The following SOCS5 variants were observed in gnomAD, a reference collection of about 807,000 sequenced individuals.
SOCS5 encodes the protein suppressor of cytokine signaling 5, also known as CIS-6.
A neutral mutation model predicts 42.8 loss-of-function variants in SOCS5; 32 were observed. The observed-to-expected ratio is 0.75, with a 90% CI of 0.56 to 1.01. The LOEUF is 1.01. Ranked by LOEUF, SOCS5 falls within the 50% of genes least tolerant of loss-of-function variation. SOCS5 has a pLI of 0.00. For missense variants in SOCS5, 627 were observed against 653.0 expected (o/e 0.96, Z 0.43); for synonymous variants, 283 against 229.6 (o/e 1.23, Z -2.10).
At chr2:46,724,975 C>G (rs1285212109) in intron 1 of SOCS5, among the ~76,000 whole-genome samples, 1 of 151,880 alleles carries the variant, frequency 6.6e-6, no homozygotes, top group African/African-American at 2.4e-5. Flanking sequence ...AAATCTCCAA[C>G]TGTCATTGTA....
chr2:46,707,774 C>T lies in SOCS5; in HGVS notation c.-13+8325C>T, dbSNP rs77374111. 5.9e-3 allele frequency among the ~76,000 whole-genome samples: 892 copies of T among 152,212 alleles called. 1 individual carries two copies. The highest frequency in any genetic ancestry group is 8.8e-3 in the Non-Finnish European group (601 of 67,996). The stretch of plus-strand genomic sequence containing the variant: ...TTACTGAGCAAATACAAATGCTCCT[C>T]GACTTACAATGGGGTTAGTCCTGAT... On this transcript the variant is annotated intron_variant, in intron 1 of 1. Coordinates refer to ENST00000394861, the MANE Select transcript of SOCS5 (RefSeq NM_144949.3).
intron 1 of SOCS5, among the ~76,000 whole-genome samples, chr2:46,723,050 A>G (rs1478546267): frequency 6.6e-6 from 1 of 152,020 alleles, no homozygotes; most frequent in Non-Finnish European, 1.5e-5. Context: ...CATATCCAGG[A>G]TACAGATCCT....
chr2:46,737,329 A>C (rs1178915121), intron 1 of SOCS5, among the ~76,000 whole-genome samples: 1 of 152,226 alleles, frequency 6.6e-6, no homozygotes. Context: ...TGACTGGACA[A>C]TGAGAAGAAA....
At position 46,759,450 on chromosome 2, in the gene SOCS5, T is replaced by C. The variant is rs1422591196; in HGVS notation, c.920T>C (p.Met307Thr). The C allele has an allele frequency of 6.2e-7, 1 of 1,613,980 alleles. No homozygotes were observed. Among genetic ancestry groups the C allele is most frequent in the South Asian group, 1.1e-5 (1 of 91,074 alleles). The change falls in exon 2 of 2, where the codon ATG becomes ACG. Residue 307 changes from methionine to threonine, a missense_variant. Met to Thr is a moderately conservative substitution (Grantham distance 81). Around this residue, in one of 3 missense-constraint regions of SOCS5, gnomAD observed 340 missense variants for 367.6 expected, o/e 0.92. Coordinates refer to ENST00000394861, the MANE Select transcript of SOCS5 (RefSeq NM_144949.3). Reference sequence around the variant, plus strand: ...CTGGGACCAAAATTAGCTCCTGGAATGACTGAAATAAGTGGGGACAGTTCT... The same window carrying C: ...CTGGGACCAAAATTAGCTCCTGGAACGACTGAAATAAGTGGGGACAGTTCT... ...YKLGPKLAPG[M>T]TEISGDSSAI... is the part of the protein sequence containing the mutation.
intron 1 of SOCS5, among the ~76,000 whole-genome samples, chr2:46,700,765 A>G (rs1672324671): frequency 6.6e-6 from 1 of 152,174 alleles, no homozygotes. Flanking sequence ...GGGTTTAGGC[A>G]GTGGTGGTCT....
chr2:46,715,906 T>C (rs1672728023), intron 1 of SOCS5, among the ~76,000 whole-genome samples: 1 of 152,194 alleles, frequency 6.6e-6, no homozygotes, highest in Non-Finnish European at 1.5e-5. Context: ...CTACAGACTC[T>C]AATCCCACAT....
chr2:46,700,506 ATTCT>A (rs1283982561), intron 1 of SOCS5, among the ~76,000 whole-genome samples: 1 of 152,228 alleles, frequency 6.6e-6, no homozygotes, highest in Non-Finnish European at 1.5e-5. Context: ...AGTAATTCAC[ATTCT>A]TTCTTTTCCT....
chr2:46,699,140 C>T (rs1244537815), upstream of SOCS5: 2 of 154,102 alleles, frequency 1.3e-5, no homozygotes, highest in East Asian at 1.9e-4. The surrounding 1 kb of genome is among the most constrained non-coding windows in gnomAD (Gnocchi z 4.8). Context: ...AGGCGTGCCC[C>T]TGCCCGCCCC....
intron 1 of SOCS5, among the ~76,000 whole-genome samples, chr2:46,757,081 G>T (rs1673747763): frequency 6.6e-6 from 1 of 152,122 alleles, no homozygotes; most frequent in African/African-American, 2.4e-5. Flanking sequence ...TAATATCATG[G>T]ACATTAATTT....
intron 1 of SOCS5, among the ~76,000 whole-genome samples, chr2:46,747,322 G>A (rs1287256628): frequency 6.6e-6 from 1 of 152,064 alleles, no homozygotes; most frequent in Non-Finnish European, 1.5e-5. Context: ...CTGGGCTCAA[G>A]TGATCCTCCC....
intron 1 of SOCS5, among the ~76,000 whole-genome samples, chr2:46,744,148 CCTGG>C: frequency 6.6e-6 from 1 of 152,174 alleles, no homozygotes; most frequent in South Asian, 2.1e-4. Flanking sequence ...TACCACCACA[CCTGG>C]CTAATTTTTG....
At chr2:46,714,115 T>C (rs539764418) in intron 1 of SOCS5, among the ~76,000 whole-genome samples, 1 of 152,316 alleles carries the variant, frequency 6.6e-6, no homozygotes, top group South Asian at 2.1e-4. Flanking sequence ...AAAGAATGGT[T>C]ATTTTCCTGT....
intron 1 of SOCS5, among the ~76,000 whole-genome samples, chr2:46,726,326 A>G (rs1813505): frequency 0.74 from 112,623 of 151,932 alleles, 42,277 homozygotes; most frequent in African/African-American, 0.84. Context: ...TAAAACTCCT[A>G]ACCTTGTGAT....
chr2:46,759,888 C>T lies in SOCS5; in HGVS notation c.1358C>T (p.Thr453Met), dbSNP rs746760173. The T allele has an allele frequency of 9.9e-6, 16 of 1,613,998 alleles. No homozygotes were observed. The highest frequency in any genetic ancestry group is 1.7e-5 in the Admixed American group (1 of 60,000). The change falls in exon 2 of 2, where the codon ACG (threonine) becomes ATG (methionine). Residue 453 changes from threonine to methionine, a missense_variant. By Grantham distance (81) the Thr-to-Met change is moderately conservative. This residue lies in a region of SOCS5 where 340 missense variants were observed against 367.6 expected (regional missense o/e 0.92). Transcript: ENST00000394861. ...TGTGTATTTCACTCCTCCACTGTAA[C>T]GGGACTTTTAGAACATTATAAAGAT... Reference protein sequence around the residue: ...DPCVFHSSTVTGLLEHYKDPS... With the variant: ...DPCVFHSSTVMGLLEHYKDPS...
chr2:46,711,731 GC>G, intron 1 of SOCS5, among the ~76,000 whole-genome samples: 1 of 152,296 alleles, frequency 6.6e-6, no homozygotes, highest in Admixed American at 6.5e-5. Context: ...TCTTCCAGAT[GC>G]TTTATGGTGA....
chr2:46,743,313 A>T lies in SOCS5; in HGVS notation c.-12-15206A>T, dbSNP rs1432410963. On this transcript the variant is annotated intron_variant, in intron 1 of 1. Coordinates refer to ENST00000394861, the MANE Select transcript of SOCS5 (RefSeq NM_144949.3). ...AGGAATAAAAGAATGGCTCTTCCAT[A>T]GAGCGGCCCCGTGGGCTGCTGGTTG... Among the ~76,000 whole-genome samples the T allele has an allele frequency of 2.0e-5, 3 of 152,324 alleles. No individual in the cohort carries two copies. In the East Asian group the frequency reaches 5.8e-4, roughly 29 times the overall value.
intron 1 of SOCS5, among the ~76,000 whole-genome samples, chr2:46,746,808 A>T (rs1673509383): frequency 6.6e-6 from 1 of 151,016 alleles, no homozygotes. Context: ...TGCTAAACTC[A>T]CTTAGTTTAC....
At chr2:46,731,023 G>A (rs1673106847) in intron 1 of SOCS5, among the ~76,000 whole-genome samples, 1 of 152,090 alleles carries the variant, frequency 6.6e-6, no homozygotes. Context: ...TTTTATATTC[G>A]ATTTTAAGTC....
intron 1 of SOCS5, among the ~76,000 whole-genome samples, chr2:46,741,330 C>T (rs1319686046): frequency 6.6e-6 from 1 of 152,106 alleles, no homozygotes; most frequent in Admixed American, 6.5e-5. Context: ...ACCTCCACCT[C>T]CCAGGTTCAA....
Sources: allele counts gnomAD v4.1 joint callset (sites outside exome capture counted in the v4.1 genomes callset), GRCh38; gene constraint gnomAD v4.1.1; regional missense constraint gnomAD v4.1.1; non-coding constraint Gnocchi (gnomAD v3.1); transcripts MANE v1.5; gene names NCBI Gene and HGNC (gene_info 2026-07-23, HGNC 2026-07-21).